The following UST variants were observed in gnomAD, a reference collection of about 807,000 sequenced individuals.
UST encodes uronyl 2-sulfotransferase.
A neutral mutation model predicts 45.6 loss-of-function variants in UST; 21 were observed. The ratio of observed to expected loss-of-function variants is 0.46; its 90% confidence interval spans 0.33 to 0.66. The LOEUF (loss-of-function observed/expected upper bound fraction) is 0.66, where lower values mean the gene tolerates loss of function less well. UST is among the 30% of genes least tolerant of loss of function. UST has a pLI of 0.02. For synonymous variants in UST, 215 were observed against 200.6 expected, an observed-to-expected ratio of 1.07 and a Z score of -0.61; for missense variants, 463 against 512.4, an observed-to-expected ratio of 0.90 and a Z score of 0.93.
intron 1 of UST, among the ~76,000 whole-genome samples, chr6:148,818,247 GA>G (rs1777393229): frequency 6.6e-6 from 1 of 152,188 alleles, no homozygotes; most frequent in Non-Finnish European, 1.5e-5. Context: ...TTAGGCCACT[GA>G]AATAAATGAT....
intron 5 of UST, among the ~76,000 whole-genome samples, chr6:149,018,820 C>T (rs749032801): frequency 3.3e-5 from 5 of 152,120 alleles, no homozygotes; most frequent in Non-Finnish European, 7.3e-5. Context: ...GGTGGCGCCA[C>T]CACGAAGCAC....
At position 149,063,408 on chromosome 6, in the gene UST, A is replaced by G. The variant is rs142482794; in HGVS notation, c.938-10425A>G. The stretch of plus-strand genomic sequence containing the variant: ...GAAAAAACTTTTTAAAAAAATATCA[A>G]AAACATCCTGAAGCCACAGCTTCTT... On this transcript the variant is annotated intron_variant, in intron 7 of 7. Transcript: ENST00000367463. Among the ~76,000 whole-genome samples, 686 of 152,354 alleles carry G rather than the reference A, an allele frequency of 4.5e-3. 8 individuals are homozygous for G. Among genetic ancestry groups the G allele is most frequent in the African/African-American group, 0.016 (648 of 41,572 alleles).
chr6:149,041,421 T>G (rs1776312396), intron 7 of UST, among the ~76,000 whole-genome samples: 1 of 152,206 alleles, frequency 6.6e-6, no homozygotes, highest in Non-Finnish European at 1.5e-5. Flanking sequence ...CCAGTAAGTG[T>G]GACTGGCCTG....
chr6:148,782,051 A>T lies in UST; in HGVS notation c.247+34374A>T, dbSNP rs115653220. Among the ~76,000 whole-genome samples, 390 of 152,330 alleles carry T rather than the reference A, an allele frequency of 2.6e-3. 2 individuals carry two copies. The highest frequency in any genetic ancestry group is 9.0e-3 in the African/African-American group (373 of 41,584). On this transcript the variant is annotated intron_variant, in intron 1 of 7. Transcript: ENST00000367463. Reference sequence around the variant, plus strand: ...TTCTGCAGCCCATGGATCAAGGACTAATTTTGACTTTCATATCCTTTTATT... The same window carrying T: ...TTCTGCAGCCCATGGATCAAGGACTTATTTTGACTTTCATATCCTTTTATT...
At chr6:148,758,773 A>G (rs781432043) in intron 1 of UST, among the ~76,000 whole-genome samples, 2 of 152,268 alleles carry the variant, frequency 1.3e-5, no homozygotes, top group Non-Finnish European at 2.9e-5. Context: ...GAGCCATACC[A>G]TCTGGCATGG....
chr6:148,985,474 GA>G (rs751638476), intron 5 of UST, among the ~76,000 whole-genome samples: 49 of 152,152 alleles, frequency 3.2e-4, no homozygotes, highest in African/African-American at 1.1e-3. Flanking sequence ...AGAATCAGAG[GA>G]AAAAAGTTCT....
intron 5 of UST, among the ~76,000 whole-genome samples, chr6:148,980,454 C>T (rs1425547088): frequency 6.6e-6 from 1 of 152,142 alleles, no homozygotes; most frequent in African/African-American, 2.4e-5. Flanking sequence ...CCAGATTAGC[C>T]TCCCAAAGCA....
At chr6:148,933,388 G>A (rs888142094) in intron 2 of UST, among the ~76,000 whole-genome samples, 1 of 152,156 alleles carries the variant, frequency 6.6e-6, no homozygotes, top group Admixed American at 6.5e-5. Context: ...AGATGGACTT[G>A]TAAATGATCT....
At chr6:149,060,778 A>C (rs905673836) in intron 7 of UST, among the ~76,000 whole-genome samples, 7 of 152,182 alleles carry the variant, frequency 4.6e-5, no homozygotes, top group African/African-American at 1.7e-4. Context: ...TGAGATGAGT[A>C]AGTCAGTTTC....
intron 5 of UST, among the ~76,000 whole-genome samples, chr6:148,997,795 G>A (rs1165967524): frequency 3.3e-5 from 5 of 152,248 alleles, no homozygotes; most frequent in African/African-American, 9.6e-5. Flanking sequence ...ATGATACTAG[G>A]ATCTTGAGAA....
intron 7 of UST, among the ~76,000 whole-genome samples, chr6:149,037,229 T>C (rs1227607298): frequency 6.6e-6 from 1 of 152,166 alleles, no homozygotes; most frequent in Non-Finnish European, 1.5e-5. Flanking sequence ...AAATGTTTCA[T>C]GACGAATGCA....
intron 2 of UST, among the ~76,000 whole-genome samples, chr6:148,890,787 G>A (rs551905826): frequency 6.6e-5 from 10 of 152,276 alleles, no homozygotes; most frequent in Admixed American, 1.3e-4. Context: ...TTTACAGGTC[G>A]ATGTTAATAT....
intron 7 of UST, among the ~76,000 whole-genome samples, chr6:149,030,642 C>T (rs988729701): frequency 2.6e-5 from 4 of 151,616 alleles, no homozygotes; most frequent in South Asian, 4.2e-4. Flanking sequence ...CATTTACCAT[C>T]GATATTCTCT....
intron 5 of UST, among the ~76,000 whole-genome samples, chr6:149,011,024 G>C (rs142763872): frequency 4.3e-4 from 65 of 151,744 alleles, no homozygotes; most frequent in African/African-American, 1.4e-3. Context: ...TCTTGTGTCC[G>C]TAAGTGTTTC....
chr6:149,007,357 G>A (rs929015452), intron 5 of UST, among the ~76,000 whole-genome samples: 4 of 148,414 alleles, frequency 2.7e-5, no homozygotes, highest in East Asian at 2.0e-4. Flanking sequence ...GTGCAATCTC[G>A]GCTCACTGCA....
chr6:148,922,026 G>A (rs1026223448), intron 2 of UST, among the ~76,000 whole-genome samples: 2 of 152,222 alleles, frequency 1.3e-5, no homozygotes, highest in Non-Finnish European at 2.9e-5. Context: ...GAGTGGAGAA[G>A]AGAGCACTGG....
At chr6:148,882,785 TA>T (rs1778847580) in intron 1 of UST, among the ~76,000 whole-genome samples, 1 of 152,196 alleles carries the variant, frequency 6.6e-6, no homozygotes, top group African/African-American at 2.4e-5. Flanking sequence ...GAGGATTAGA[TA>T]AAATGATCTT....
At chr6:149,057,921 CT>C (rs1338158554) in intron 7 of UST, among the ~76,000 whole-genome samples, 17 of 152,138 alleles carry the variant, frequency 1.1e-4, no homozygotes, top group Non-Finnish European at 1.9e-4. Context: ...AAAAACTTTA[CT>C]ATGTATTTGC....
intron 5 of UST, 109 bp downstream of exon 5, chr6:148,964,672 T>A: frequency 3.5e-6 from 5 of 1,418,746 alleles, no homozygotes; most frequent in Non-Finnish European, 4.8e-6. Flanking sequence ...GGCGCCTCCA[T>A]GGAGCGTGGC....
Sources: gnomAD v4.1 joint callset for allele counts (sites outside exome capture counted in the v4.1 genomes callset) on GRCh38, gnomAD v4.1.1 for gene constraint, MANE v1.5 for transcripts, NCBI Gene and HGNC (gene_info 2026-07-23, HGNC 2026-07-21) for gene names.